NDUFV3: variants seen among roughly 807,000 people sequenced by gnomAD.
NDUFV3 encodes NADH dehydrogenase [ubiquinone] flavoprotein 3, mitochondrial.
Under a neutral mutation model 37.5 loss-of-function variants are expected in NDUFV3, and 44 were observed. The observed-to-expected ratio is 1.17, with a 90% CI of 0.92 to 1.51. The LOEUF is 1.51. Among genes scored for constraint, NDUFV3 ranks in the 40% most tolerant of loss-of-function variants. The probability of loss-of-function intolerance (pLI) is 0.00; values close to 1 mark genes in which losing one functional copy is unlikely to be tolerated. For missense variants in NDUFV3, 580 were observed against 580.4 expected, an observed-to-expected ratio of 1.00 and a Z score of 0.01; for synonymous variants, 235 against 239.3, an observed-to-expected ratio of 0.98 and a Z score of 0.17.
rs1203745034 is a variant in NDUFV3 at position 42,909,007 on chromosome 21, T to A, written c.1408T>A (p.Ser470Thr). 6.2e-7 allele frequency: 1 copy of A among 1,613,434 alleles called. No homozygotes were observed. Among genetic ancestry groups the A allele is most frequent in the East Asian group, 2.2e-5 (1 of 44,860 alleles). ...RMPQPSSGRE[S>T]PRH The stretch of plus-strand genomic sequence containing the variant: ...GCCTCAGCCCTCCTCAGGCCGGGAG[T>A]CACCTCGACACTGAGGGCCCTCGGT... Residue 470 changes from serine (S) to threonine (T), a missense_variant, in exon 4 of 4, where the codon TCA becomes ACA. Transcript: ENST00000354250.
chr21:42,893,885 G>GA (rs2058669536), intron 1 of NDUFV3, among the ~76,000 whole-genome samples: 1 of 152,192 alleles, frequency 6.6e-6, no homozygotes, highest in Non-Finnish European at 1.5e-5. Context: ...GTGAAAAGGA[G>GA]AAGAAGGGCT....
intron 2 of NDUFV3, among the ~76,000 whole-genome samples, chr21:42,900,512 A>G (rs920420419): frequency 6.6e-6 from 1 of 152,212 alleles, no homozygotes; most frequent in African/African-American, 2.4e-5. Flanking sequence ...CAAAACAAAC[A>G]AACAAAAAAT....
rs1166493738 is a variant in NDUFV3 at position 42,909,201 on chromosome 21, G to C, written c.*180G>C. ...CTGTCACCCAGGCTGGAGTGCAGTG[G>C]CACATTCTCGGCTCACTGCAACTTC... is the stretch of plus-strand genomic sequence containing the variant. On this transcript the variant is annotated 3_prime_UTR_variant, in exon 4 of 4. Coordinates refer to ENST00000354250, the MANE Select transcript of NDUFV3 (RefSeq NM_021075.4). 2 of 619,484 alleles carry C rather than the reference G, an allele frequency of 3.2e-6. No homozygotes were observed. The highest frequency in any genetic ancestry group is 6.9e-5 in the East Asian group (2 of 28,940). The allele number at this position is 619,484 out of a possible 1,614,324, so 38.4% of individuals were successfully genotyped here.
intron 3 of NDUFV3, chr21:42,906,946 AG>A (rs758679917): frequency 2.0e-6 from 1 of 499,914 alleles, no homozygotes; most frequent in South Asian, 1.5e-5. Context: ...AATGAAAAAC[AG>A]AGCTTTTGAT....
intron 2 of NDUFV3, among the ~76,000 whole-genome samples, chr21:42,900,459 T>C (rs1446867590): frequency 6.6e-6 from 1 of 152,238 alleles, no homozygotes; most frequent in Non-Finnish European, 1.5e-5. Flanking sequence ...GCTGAGATTG[T>C]GCCATTGCAC....
rs972138283 is a variant in NDUFV3 at position 42,910,569 on chromosome 21, C to T, written c.*1548C>T. 2.8e-5 allele frequency: 4 copies of T among 145,094 alleles called. No individual in the cohort carries two copies. The highest frequency in any genetic ancestry group is 1.4e-4 in the Admixed American group (2 of 14,336). 9.0% of individuals were successfully genotyped at this position (145,094 alleles called of 1,614,324 possible). On this transcript the variant is annotated 3_prime_UTR_variant, in exon 4 of 4. Coordinates refer to ENST00000354250, the MANE Select transcript of NDUFV3 (RefSeq NM_021075.4). Reference sequence around the variant, plus strand: ...GACGGAGTAGGAAGAGGTGAAGTTTCGTGCAGTACAGGGACGGAGTAGGAA... The same window carrying T: ...GACGGAGTAGGAAGAGGTGAAGTTTTGTGCAGTACAGGGACGGAGTAGGAA...
chr21:42,893,736 T>C (rs2058668809), intron 1 of NDUFV3, among the ~76,000 whole-genome samples: 2 of 152,338 alleles, frequency 1.3e-5, no homozygotes, highest in South Asian at 4.1e-4. Context: ...TCAGCCGCTG[T>C]GCGGCTCCCG....
rs77051374 is a variant in NDUFV3, at chr21:42,897,406, GTTTGTTTTGTTTTGT to G, written c.169+382_169+396del. Among the ~76,000 whole-genome samples the G allele has an allele frequency of 3.1e-3, 470 of 150,588 alleles. 5 individuals carry two copies. In the South Asian group the frequency reaches 0.032, roughly 10 times the overall value. On this transcript the variant is annotated intron_variant, in intron 2 of 3. Transcript: ENST00000354250. ...ACTTTCCATCCTCTGATGCTGAGTT[GTTTGTTTTGTTTTGT>G]TTTGTTTTGTTTTGTTTTGTTTCAG...
chr21:42,897,018 A>G lies in NDUFV3; in HGVS notation c.140A>G (p.Gln47Arg), dbSNP rs138872520. 18 of 1,614,064 alleles carry G rather than the reference A, an allele frequency of 1.1e-5. No individual in the cohort carries two copies. Among genetic ancestry groups the G allele is most frequent in the Non-Finnish European group, 1.4e-5 (17 of 1,180,018 alleles). The change falls in exon 2 of 4, where the codon CAG becomes CGG. Residue 47 changes from glutamine (Q) to arginine (R), a missense_variant. Transcript: ENST00000354250. ...ESGKSEKGQP[Q>R]NSKKQSPPKN... ...GGGAAGAGTGAAAAGGGTCAGCCAC[A>G]GAATTCCAAGAAGCAAAGTCCACCA... is the stretch of plus-strand genomic sequence containing the variant.
chr21:42,908,792 T>C, intron 3 of NDUFV3, 72 bp from the exon 4 acceptor site: 1 of 1,570,614 alleles, frequency 6.4e-7, no homozygotes, highest in Non-Finnish European at 8.8e-7. Context: ...GGTAAGCGCC[T>C]GTGTGTGAGC....
In NDUFV3 at chr21:42,903,837, T is replaced by C. The variant is rs770103703; in HGVS notation, c.825T>C (p.Asn275=). The change falls in exon 3 of 4, where the codon AAT becomes AAC. Residue 275 remains asparagine, a synonymous_variant. Transcript: ENST00000354250. ...EKQLQKTFRL[N]EIDKESQKPF... ...AATTGCAGAAAACATTTAGATTAAA[T>C]GAAATAGATAAAGAAAGCCAAAAGC... 6.2e-7 allele frequency: 1 copy of C among 1,613,434 alleles called. No homozygotes were observed. The highest frequency in any genetic ancestry group is 1.1e-5 in the South Asian group (1 of 90,988).
chr21:42,899,636 G>C (rs1013009985), intron 2 of NDUFV3, among the ~76,000 whole-genome samples: 2 of 152,130 alleles, frequency 1.3e-5, no homozygotes, highest in African/African-American at 4.8e-5. Flanking sequence ...GTAGAGACGG[G>C]GTTTCACCAT....
intron 3 of NDUFV3, among the ~76,000 whole-genome samples, chr21:42,906,083 C>T (rs572275132): frequency 6.6e-6 from 1 of 151,870 alleles, no homozygotes; most frequent in South Asian, 2.1e-4. Context: ...AGGTTGGTCT[C>T]GAACTCCTGA....
Position 42,909,050 on chromosome 21 carries a change from A to G in NDUFV3, c.*29A>G. ...CCCTCGGTGTGAAGATGAACCTTCC[A>G]CCGTCTTCACTGCATCCTGGAGTGC... On this transcript the variant is annotated 3_prime_UTR_variant, in exon 4 of 4. Transcript: ENST00000354250. 5 of 1,604,652 alleles carry G rather than the reference A, an allele frequency of 3.1e-6. No individual in the cohort carries two copies. Among genetic ancestry groups the G allele is most frequent in the Non-Finnish European group, 4.3e-6 (5 of 1,175,020 alleles).
chr21:42,893,665 T>A (rs2058668314), intron 1 of NDUFV3, among the ~76,000 whole-genome samples: 2 of 152,306 alleles, frequency 1.3e-5, no homozygotes, highest in South Asian at 2.1e-4. Context: ...TCCCGAGGGC[T>A]GCATGCCTGG....
rs9680439 is a variant in NDUFV3, at chr21:42,897,112, C to T, written c.169+65C>T. 5.3e-5 allele frequency: 84 copies of T among 1,575,186 alleles called. No individual in the cohort carries two copies. In the African/African-American group the frequency reaches 8.7e-4, roughly 16 times the overall value. On this transcript the variant is annotated intron_variant, in intron 2 of 3. Coordinates refer to ENST00000354250, the MANE Select transcript of NDUFV3 (RefSeq NM_021075.4). The stretch of plus-strand genomic sequence containing the variant: ...AAAAGAAAATAGATTAGTCAGCCTT[C>T]GAAGCACGACAGTGAGTTTTACTAG...
In NDUFV3 at chr21:42,893,391, G is replaced by A. The variant is rs749523711; in HGVS notation, c.48+10G>A. The A allele has an allele frequency of 1.6e-5, 24 of 1,536,544 alleles. 1 individual carries two copies. In the East Asian group the frequency reaches 3.2e-4, roughly 20 times the overall value. ...AGCCGGGGCGCTGAAGGTAAAGGAG[G>A]AGCCAGCCTGGGCTGGCTGCGCGGC... On this transcript the variant is annotated intron_variant, in intron 1 of 3. Transcript: ENST00000354250.
chr21:42,906,663 T>C (rs1370128358), intron 3 of NDUFV3, among the ~76,000 whole-genome samples: 2 of 152,260 alleles, frequency 1.3e-5, no homozygotes, highest in African/African-American at 2.4e-5. Context: ...TCTGTGCGCA[T>C]GCGCAGAGCC....
At chr21:42,898,134 A>G (rs936277756) in intron 2 of NDUFV3, among the ~76,000 whole-genome samples, 1 of 152,174 alleles carries the variant, frequency 6.6e-6, no homozygotes, top group African/African-American at 2.4e-5. Flanking sequence ...AAGTTTTTAA[A>G]TATTTGTATT....
Sources: allele counts gnomAD v4.1 joint callset (sites outside exome capture counted in the v4.1 genomes callset), GRCh38; gene constraint gnomAD v4.1.1; transcripts MANE v1.5; gene names NCBI Gene and HGNC (gene_info 2026-07-23, HGNC 2026-07-21).